The following SEMA3D variants were observed in gnomAD, a reference collection of about 807,000 sequenced individuals.
SEMA3D encodes the protein semaphorin-3D.
A neutral mutation model predicts 100.1 loss-of-function variants in SEMA3D; 84 were observed. That is an observed-to-expected ratio of 0.84 (90% CI 0.70 to 1.01). The LOEUF is 1.01. Ranked by LOEUF, SEMA3D falls within the 50% of genes least tolerant of loss-of-function variation. The pLI is 0.00. For synonymous variants in SEMA3D, 312 were observed against 320.7 expected, an observed-to-expected ratio of 0.97 and a Z score of 0.29; for missense variants, 875 against 934.1, an observed-to-expected ratio of 0.94 and a Z score of 0.82.
chr7:85,101,075 T>C (rs1462135566), intron 3 of SEMA3D, among the ~76,000 whole-genome samples: 1 of 151,996 alleles, frequency 6.6e-6, no homozygotes, highest in Non-Finnish European at 1.5e-5. Context: ...AAATACGCCA[T>C]ACTGATTGTA....
chr7:85,185,533 C>T (rs368964495), intron 1 of SEMA3D, among the ~76,000 whole-genome samples: 1 of 152,156 alleles, frequency 6.6e-6, no homozygotes, highest in South Asian at 2.1e-4. Context: ...CCGCTTCGCT[C>T]GAGGCGAAAT....
chr7:85,027,613 T>C (rs922140968), intron 12 of SEMA3D, among the ~76,000 whole-genome samples: 3 of 152,078 alleles, frequency 2.0e-5, no homozygotes, highest in Non-Finnish European at 4.4e-5. Context: ...TTTTACTTTA[T>C]TTTCTCACTA....
intron 2 of SEMA3D, chr7:85,143,265 G>C: frequency 1.9e-6 from 1 of 526,942 alleles, no homozygotes; most frequent in Non-Finnish European, 2.4e-6. Context: ...TAATTCCAGT[G>C]ATTTCAAAGT....
At chr7:85,045,204 G>T (rs532375453) in intron 9 of SEMA3D, among the ~76,000 whole-genome samples, 31 of 152,074 alleles carry the variant, frequency 2.0e-4, no homozygotes, top group African/African-American at 7.2e-4. Flanking sequence ...GAACAATCCA[G>T]GACATCTAGG....
intron 9 of SEMA3D, among the ~76,000 whole-genome samples, chr7:85,046,562 T>A (rs2116021682): frequency 6.6e-6 from 1 of 152,086 alleles, no homozygotes; most frequent in Admixed American, 6.6e-5. Flanking sequence ...CAAATACAGT[T>A]CCTGGGATAA....
chr7:85,102,458 G>T (rs1414557545), intron 3 of SEMA3D, among the ~76,000 whole-genome samples: 1 of 151,960 alleles, frequency 6.6e-6, no homozygotes, highest in Non-Finnish European at 1.5e-5. Flanking sequence ...GAGGAAATGT[G>T]CTCTGCTGAA....
At chr7:85,228,128 T>C in the SEMA3D span, among the ~76,000 whole-genome samples, 1 of 152,140 alleles carries the variant, frequency 6.6e-6, no homozygotes. Flanking sequence ...CACATCTCTC[T>C]TAAAACTGTG....
Position 85,142,129 on chromosome 7 carries a change from T to C in SEMA3D, c.-41+11479A>G, listed in dbSNP as rs1045472476. 5 of 984,644 alleles carry C rather than the reference T, an allele frequency of 5.1e-6. No individual in the cohort carries two copies. In the African/African-American group the frequency reaches 8.7e-5, roughly 17 times the overall value. The allele number at this position is 984,644 out of a possible 1,614,324, so 61.0% of individuals were successfully genotyped here. On this transcript the variant is annotated intron_variant, in intron 2 of 18. Transcript: ENST00000284136. ...TTGATGTATTAAAATTTCTAAGCAA[T>C]TATTGACATATATCAACATTGCTGA...
intron 1 of SEMA3D, among the ~76,000 whole-genome samples, chr7:85,155,265 A>C (rs966556683): frequency 6.6e-6 from 1 of 152,142 alleles, no homozygotes; most frequent in Non-Finnish European, 1.5e-5. Flanking sequence ...TACCAGAATA[A>C]AAATTTTGTA....
chr7:85,071,441 C>A (rs1791771393), intron 6 of SEMA3D, among the ~76,000 whole-genome samples: 1 of 152,270 alleles, frequency 6.6e-6, no homozygotes, highest in Non-Finnish European at 1.5e-5. Context: ...TGTAAAGAAA[C>A]CTTTTCCATA....
intron 5 of SEMA3D, among the ~76,000 whole-genome samples, chr7:85,080,733 C>G (rs766460354): frequency 3.9e-5 from 6 of 152,034 alleles, no homozygotes; most frequent in Non-Finnish European, 7.4e-5. Context: ...AGGAGAGGAG[C>G]CAGTCAGAGC....
At chr7:85,020,138 A>G (rs1790214098) in intron 14 of SEMA3D, 95 bp downstream of exon 14, 1 of 766,116 alleles carries the variant, frequency 1.3e-6, no homozygotes, top group Non-Finnish European at 2.2e-6. Flanking sequence ...AGGCTTCTTC[A>G]GGTAACCTGA....
chr7:85,126,622 A>G (rs1789578729), intron 2 of SEMA3D, among the ~76,000 whole-genome samples: 4 of 152,054 alleles, frequency 2.6e-5, no homozygotes, highest in Non-Finnish European at 5.9e-5. Flanking sequence ...CTTTTGCCAA[A>G]TTGCTGCTCC....
upstream of SEMA3D, among the ~76,000 whole-genome samples, chr7:85,187,402 T>A (rs1014686861): frequency 2.6e-5 from 4 of 152,228 alleles, no homozygotes; most frequent in Admixed American, 6.5e-5. Flanking sequence ...GTCCTAAAAA[T>A]GCTAATCCCA....
intron 1 of SEMA3D, among the ~76,000 whole-genome samples, chr7:85,185,590 C>A (rs1057051051): frequency 1.3e-5 from 2 of 152,158 alleles, no homozygotes; most frequent in Admixed American, 1.3e-4. Flanking sequence ...ACTCGGAATC[C>A]CGGACACCAG....
At chr7:85,050,357 A>C (rs1583871673) in intron 9 of SEMA3D, 1 of 162,682 alleles carries the variant, frequency 6.1e-6, no homozygotes, top group Admixed American at 6.4e-5. Context: ...TGTTTCACAA[A>C]ATGAAAGAAC....
chr7:85,218,362 A>C, the SEMA3D span, among the ~76,000 whole-genome samples: 396 of 152,254 alleles, frequency 2.6e-3, 2 homozygotes, highest in African/African-American at 9.1e-3. Context: ...GAATACATAA[A>C]AAATAATTTT....
At chr7:85,219,194 A>G in the SEMA3D span, among the ~76,000 whole-genome samples, 3 of 152,206 alleles carry the variant, frequency 2.0e-5, no homozygotes, top group Middle Eastern at 6.8e-3. Flanking sequence ...GGCATCTGCC[A>G]GAGGAAGAGA....
chr7:85,070,489 CT>C (rs910648042), intron 6 of SEMA3D, among the ~76,000 whole-genome samples: 9 of 152,156 alleles, frequency 5.9e-5, no homozygotes, highest in African/African-American at 2.2e-4. Context: ...TCCCAGCCAC[CT>C]TAGGAGGAGC....
Sources: allele counts gnomAD v4.1 joint callset (sites outside exome capture counted in the v4.1 genomes callset), GRCh38; gene constraint gnomAD v4.1.1; transcripts MANE v1.5; gene names NCBI Gene and HGNC (gene_info 2026-07-23, HGNC 2026-07-21).